SNRPD3: variants seen among roughly 807,000 people sequenced by gnomAD.
The protein encoded by SNRPD3 is small nuclear ribonucleoprotein D3 polypeptide, also known as small nuclear ribonucleoprotein Sm D3.
For synonymous variants in SNRPD3, 66 were observed against 58.4 expected, an observed-to-expected ratio of 1.13 and a Z score of -0.59; for missense variants, 73 against 167.5, an observed-to-expected ratio of 0.44 and a Z score of 3.11.
intron 2 of SNRPD3, 35 bp from the exon 3 acceptor site, chr22:24,567,949 G>T: frequency 1.3e-6 from 2 of 1,542,930 alleles, no homozygotes; most frequent in South Asian, 1.2e-5. Flanking sequence ...TGGTGCTGTT[G>T]ACCGTTAACT....
At chr22:24,571,607 G>T (rs1488221380) in intron 3 of SNRPD3, among the ~76,000 whole-genome samples, 1 of 152,072 alleles carries the variant, frequency 6.6e-6, no homozygotes, top group African/African-American at 2.4e-5. Context: ...GGGCGTTGTG[G>T]TTCACGGCTG....
chr22:24,572,447 C>A lies in SNRPD3; in HGVS notation c.*470C>A, dbSNP rs1252172553. On this transcript the variant is annotated 3_prime_UTR_variant, in exon 4 of 4. Transcript: ENST00000215829. The stretch of plus-strand genomic sequence containing the variant: ...AGCTCAGCTTTAACAACACAGGTGA[C>A]TCTTTCCCTTGATAAAGTCATAGGT... The A allele has an allele frequency of 4.8e-5, 16 of 333,196 alleles. No individual in the cohort carries two copies. In the Admixed American group the frequency reaches 7.5e-4, roughly 16 times the overall value. The allele number at this position is 333,196 out of a possible 1,614,324, so 20.6% of individuals were successfully genotyped here.
chr22:24,566,917 A>G (rs933537463), intron 2 of SNRPD3, among the ~76,000 whole-genome samples: 1 of 152,058 alleles, frequency 6.6e-6, no homozygotes, highest in South Asian at 2.1e-4. Context: ...AACCCTATTG[A>G]TCTTTCCTCT....
chr22:24,556,231 A>G (rs1601561630), intron 1 of SNRPD3, among the ~76,000 whole-genome samples, 160 bp downstream of exon 1: 1 of 152,146 alleles, frequency 6.6e-6, no homozygotes, highest in Admixed American at 6.5e-5. Flanking sequence ...TCCTGGAAGT[A>G]AGTTCATTAG....
At chr22:24,556,524 A>G (rs914501844) in intron 1 of SNRPD3, among the ~76,000 whole-genome samples, 16 of 152,032 alleles carry the variant, frequency 1.1e-4, no homozygotes, top group African/African-American at 3.9e-4. Flanking sequence ...CATTTTTTAA[A>G]AAGTTCTTTG....
intron 3 of SNRPD3, 76 bp from the exon 4 acceptor site, chr22:24,571,840 A>C: frequency 2.5e-5 from 36 of 1,432,370 alleles, no homozygotes; most frequent in Non-Finnish European, 3.4e-5. Flanking sequence ...CTGGTGTCCT[A>C]GGGCCCTGGC....
intron 1 of SNRPD3, among the ~76,000 whole-genome samples, chr22:24,556,961 T>G (rs1242301406): frequency 6.6e-6 from 1 of 152,244 alleles, no homozygotes; most frequent in Non-Finnish European, 1.5e-5. Flanking sequence ...ACGTTGTCAC[T>G]TTGATATTTT....
At position 24,573,679 on chromosome 22, in the gene SNRPD3, AGCCTGG is replaced by A; in HGVS notation, c.*1705_*1710del. ...CACTTGAACCTAGGAGTTTGAGACT[AGCCTGG>A]GCTGTTAAGCTTTGTTAACCAAGAC... is the stretch of plus-strand genomic sequence containing the variant. On this transcript the variant is annotated 3_prime_UTR_variant, in exon 4 of 4. Coordinates refer to ENST00000215829, the MANE Select transcript of SNRPD3 (RefSeq NM_004175.5). Among the ~76,000 whole-genome samples, 1 of 152,232 alleles carries A rather than the reference AGCCTGG, an allele frequency of 6.6e-6. No homozygotes were observed. Among genetic ancestry groups the A allele is most frequent in the African/African-American group, 2.4e-5 (1 of 41,464 alleles).
rs891550117 is a variant in SNRPD3 at position 24,572,575 on chromosome 22, A to G, written c.*598A>G. The G allele has an allele frequency of 2.2e-5, 4 of 180,630 alleles. No homozygotes were observed. The highest frequency in any genetic ancestry group is 9.6e-5 in the African/African-American group (4 of 41,670). 11.2% of individuals were successfully genotyped at this position (180,630 alleles called of 1,614,324 possible). ...CAGGAGTTCGAGACCAGCCTGGCCA[A>G]TATGGTGAAACCTCGTGTGTACTAA... On this transcript the variant is annotated 3_prime_UTR_variant, in exon 4 of 4. Coordinates refer to ENST00000215829, the MANE Select transcript of SNRPD3 (RefSeq NM_004175.5).
In SNRPD3 at chr22:24,568,166, C is replaced by T; in HGVS notation, c.309C>T (p.Leu103=). 6.2e-7 allele frequency: 1 copy of T among 1,612,514 alleles called. No homozygotes were observed. Among genetic ancestry groups the T allele is most frequent in the Non-Finnish European group, 8.5e-7 (1 of 1,179,152 alleles). ...SGAGRGKAAI[L]KAQVAARGRG... is the part of the protein sequence containing the mutation. Reference sequence around the variant, plus strand: ...CTGGCCGAGGAAAAGCTGCTATTCTCAAGGCCCAAGGTAGGTGCTTTTCAT... The same window carrying T: ...CTGGCCGAGGAAAAGCTGCTATTCTTAAGGCCCAAGGTAGGTGCTTTTCAT... Residue 103 remains leucine, a synonymous_variant, in exon 3 of 4, where the codon CTC becomes CTT. Transcript: ENST00000215829.
intron 1 of SNRPD3, among the ~76,000 whole-genome samples, chr22:24,556,748 G>C (rs1397822071): frequency 3.3e-5 from 5 of 152,182 alleles, no homozygotes; most frequent in African/African-American, 1.2e-4. Flanking sequence ...ATAAAATCTA[G>C]ACTCCTAAGG....
rs1017121544 is a variant in SNRPD3, at chr22:24,572,404, A to G, written c.*427A>G. On this transcript the variant is annotated 3_prime_UTR_variant, in exon 4 of 4. Transcript: ENST00000215829. The stretch of plus-strand genomic sequence containing the variant: ...TAGTGTGGCACTTTGTTCAGTTAAC[A>G]TTTGTGGAGCTGTCATCAGCTCAGC... 4.5e-6 allele frequency: 2 copies of G among 447,428 alleles called. No homozygotes were observed. The highest frequency in any genetic ancestry group is 2.4e-5 in the South Asian group (1 of 40,862). 27.7% of individuals were successfully genotyped at this position (447,428 alleles called of 1,614,324 possible).
intron 2 of SNRPD3, 171 bp downstream of exon 2, chr22:24,557,971 AC>A (rs2045096227): frequency 1.9e-6 from 1 of 515,712 alleles, no homozygotes; most frequent in African/African-American, 2.0e-5. Flanking sequence ...GTGGGCATGA[AC>A]GAGACACATA....
intron 2 of SNRPD3, among the ~76,000 whole-genome samples, chr22:24,563,244 ATGTG>A (rs775068266): frequency 3.1e-5 from 4 of 128,766 alleles, no homozygotes; most frequent in African/African-American, 1.0e-4. Context: ...GTGTGTGTGT[ATGTG>A]TGTATGTATG....
At chr22:24,570,921 T>G (rs753348901) in intron 3 of SNRPD3, among the ~76,000 whole-genome samples, 13 of 148,234 alleles carry the variant, frequency 8.8e-5, no homozygotes, top group Admixed American at 2.8e-4. Flanking sequence ...CAGGTTCAAG[T>G]GATTCTCTTG....
chr22:24,556,366 G>GT (rs1381490390), intron 1 of SNRPD3, among the ~76,000 whole-genome samples: 841 of 56,472 alleles, frequency 0.015, 16 homozygotes, highest in African/African-American at 0.049. Context: ...AATCCTATGA[G>GT]TTTTTTTTTG....
chr22:24,567,669 C>T (rs1333673827), intron 2 of SNRPD3, among the ~76,000 whole-genome samples: 1 of 152,004 alleles, frequency 6.6e-6, no homozygotes, highest in Non-Finnish European at 1.5e-5. Flanking sequence ...TCGCTTGAAC[C>T]CGGGAGGCAG....
In SNRPD3 at chr22:24,557,772, T is replaced by C; in HGVS notation, c.98T>C (p.Ile33Thr). 1.9e-6 allele frequency: 3 copies of C among 1,610,258 alleles called. No individual in the cohort carries two copies. Among genetic ancestry groups the C allele is most frequent in the Non-Finnish European group, 2.5e-6 (3 of 1,178,568 alleles). ...GGTGAGGTATATCGGGGGAAGCTCA[T>C]TGAAGCAGAGGACAACATGAACTGC... ...NTGEVYRGKL[I>T]EAEDNMNCQM... is the part of the protein sequence containing the mutation. Residue 33 changes from isoleucine (I) to threonine (T), a missense_variant, in exon 2 of 4, where the codon ATT (isoleucine) becomes ACT (threonine). Physicochemically the swap from Ile to Thr is moderately conservative, Grantham distance 89. Transcript: ENST00000215829.
chr22:24,562,444 T>C (rs911656267), intron 2 of SNRPD3, among the ~76,000 whole-genome samples: 65 of 152,234 alleles, frequency 4.3e-4, no homozygotes, highest in African/African-American at 1.5e-3. Flanking sequence ...CTCGGGAGGC[T>C]GAGGCAGGAG....
Sources: gnomAD v4.1 joint callset for allele counts (sites outside exome capture counted in the v4.1 genomes callset) on GRCh38, gnomAD v4.1.1 for gene constraint, MANE v1.5 for transcripts, NCBI Gene and HGNC (gene_info 2026-07-23, HGNC 2026-07-21) for gene names.